The following PLD5 variants were observed in gnomAD, a reference collection of about 807,000 sequenced individuals.
The protein encoded by PLD5 is inactive phospholipase D5.
A neutral mutation model predicts 61.1 loss-of-function variants in PLD5; 36 were observed. The observed-to-expected ratio is 0.59, with a 90% CI of 0.45 to 0.78. The LOEUF is 0.78. Ranked by LOEUF, PLD5 falls within the 30% of genes least tolerant of loss-of-function variation. PLD5 has a pLI of 0.00. For synonymous variants in PLD5, 243 were observed against 242.8 expected, an observed-to-expected ratio of 1.00 and a Z score of -0.01; for missense variants, 515 against 644.4, an observed-to-expected ratio of 0.80 and a Z score of 2.17.
At chr1:242,330,293 G>T (rs1659090246) in intron 2 of PLD5, among the ~76,000 whole-genome samples, 1 of 152,202 alleles carries the variant, frequency 6.6e-6, no homozygotes, top group Admixed American at 6.5e-5. Flanking sequence ...CCTGGTGTGT[G>T]TGACCTTCAC....
intron 4 of PLD5, among the ~76,000 whole-genome samples, chr1:242,254,070 A>G (rs1430456598): frequency 1.3e-5 from 2 of 152,172 alleles, no homozygotes; most frequent in Non-Finnish European, 2.9e-5. Context: ...CCCAAAGACG[A>G]TCTGTAATGT....
At chr1:242,410,764 C>T (rs952919711) in intron 1 of PLD5, among the ~76,000 whole-genome samples, 1 of 151,942 alleles carries the variant, frequency 6.6e-6, no homozygotes, top group Admixed American at 6.6e-5. Flanking sequence ...AAGCAGGTGA[C>T]CTCAGGCATA....
chr1:242,407,521 C>T (rs28688947), intron 1 of PLD5, among the ~76,000 whole-genome samples: 3 of 151,446 alleles, frequency 2.0e-5, no homozygotes, highest in African/African-American at 7.3e-5. Context: ...TTTATACACA[C>T]ATATACACAA....
At chr1:242,393,038 T>C (rs1663026497) in intron 1 of PLD5, among the ~76,000 whole-genome samples, 1 of 150,520 alleles carries the variant, frequency 6.6e-6, no homozygotes, top group African/African-American at 2.4e-5. Context: ...ACCCCGTCTC[T>C]ACTAAAAATG....
chr1:242,353,689 G>T (rs1295781410), intron 1 of PLD5, among the ~76,000 whole-genome samples: 2 of 151,992 alleles, frequency 1.3e-5, no homozygotes, highest in Admixed American at 1.3e-4. Flanking sequence ...ATAGAGTTGA[G>T]TTCCTTAGGT....
chr1:242,214,931 C>T (rs1321673148), intron 5 of PLD5, among the ~76,000 whole-genome samples: 1 of 128,278 alleles, frequency 7.8e-6, no homozygotes, highest in East Asian at 2.4e-4. Flanking sequence ...GGCTGGAGTG[C>T]AGTGGCGAGA....
intron 1 of PLD5, among the ~76,000 whole-genome samples, chr1:242,522,399 T>C (rs1669307862): frequency 1.3e-5 from 2 of 152,306 alleles, no homozygotes; most frequent in South Asian, 4.1e-4. Context: ...TGGTATGACT[T>C]GATACTTTCA....
rs1042944332 is a variant in PLD5, at chr1:242,300,313, G to A, written c.327-11783C>T. Among the ~76,000 whole-genome samples the A allele has an allele frequency of 7.2e-5, 11 of 152,006 alleles. No homozygotes were observed. The East Asian group carries it at 7.7e-4, about 11-fold the overall frequency. On this transcript the variant is annotated intron_variant, in intron 2 of 9. Coordinates refer to ENST00000536534, the MANE Select transcript of PLD5 (RefSeq NM_001372062.1). ...AAAAAAATTAGCTGGGCATGGTTGC[G>A]GGCACCAGTAATCCCAGCTACTTAG... is the stretch of plus-strand genomic sequence containing the variant.
chr1:242,328,856 G>C (rs943987649), intron 2 of PLD5, among the ~76,000 whole-genome samples: 3 of 152,192 alleles, frequency 2.0e-5, no homozygotes, highest in African/African-American at 7.2e-5. Flanking sequence ...TTCTGCGTTA[G>C]AGCAACTTTC....
intron 9 of PLD5, among the ~76,000 whole-genome samples, chr1:242,092,913 C>T (rs1004178095): frequency 6.6e-5 from 10 of 152,040 alleles, no homozygotes; most frequent in African/African-American, 2.4e-4. Flanking sequence ...TCCTCAGAGC[C>T]TAAGAACACC....
At chr1:242,179,171 G>A (rs1312293867) in intron 5 of PLD5, among the ~76,000 whole-genome samples, 1 of 152,156 alleles carries the variant, frequency 6.6e-6, no homozygotes, top group East Asian at 1.9e-4. Context: ...CTTTTATGGT[G>A]TAGATTTCTT....
chr1:242,090,035 C>T lies in PLD5; in HGVS notation c.1430G>A (p.Arg477Lys). 1 of 1,614,196 alleles carries T rather than the reference C, an allele frequency of 6.2e-7. No homozygotes were observed. The highest frequency in any genetic ancestry group is 8.5e-7 in the Non-Finnish European group (1 of 1,180,036). ...TGLVINQADVRNNRSIIKQLK... is the reference protein window; with the variant it reads ...TGLVINQADVKNNRSIIKQLK... ...TTGCTTAATGATGCTTCTGTTGTTC[C>T]TCACATCTGCCTGGTTGATAACAAG... Residue 477 changes from arginine to lysine, a missense_variant, in exon 10 of 10, where the codon AGG (arginine) becomes AAG (lysine). Physicochemically the swap from Arg to Lys is conservative, Grantham distance 26. This residue lies in a region of PLD5 where 450 missense variants were observed against 598.1 expected (regional missense o/e 0.75). Coordinates refer to ENST00000536534, the MANE Select transcript of PLD5 (RefSeq NM_001372062.1).
intron 5 of PLD5, among the ~76,000 whole-genome samples, chr1:242,166,443 C>A (rs747809478): frequency 3.3e-5 from 5 of 151,958 alleles, no homozygotes; most frequent in Non-Finnish European, 7.3e-5. Flanking sequence ...ACAACACTTG[C>A]CTCTATTTAC....
At chr1:242,154,441 C>G (rs910671686) in intron 5 of PLD5, among the ~76,000 whole-genome samples, 8 of 152,100 alleles carry the variant, frequency 5.3e-5, no homozygotes, top group Non-Finnish European at 1.0e-4. Context: ...GGGAATGCTT[C>G]CAGTTTTTGC....
chr1:242,226,321 C>T (rs529976989), intron 4 of PLD5, among the ~76,000 whole-genome samples: 1 of 152,222 alleles, frequency 6.6e-6, no homozygotes, highest in Non-Finnish European at 1.5e-5. Flanking sequence ...AGGACCATGG[C>T]CTAGTGGCTG....
intron 6 of PLD5, among the ~76,000 whole-genome samples, chr1:242,116,112 C>G (rs1661925961): frequency 6.6e-6 from 1 of 152,096 alleles, no homozygotes; most frequent in Non-Finnish European, 1.5e-5. Context: ...TGTTTAGGAC[C>G]AAAAGGCTGA....
chr1:242,476,694 G>A (rs149052447), intron 1 of PLD5, among the ~76,000 whole-genome samples: 1 of 152,262 alleles, frequency 6.6e-6, no homozygotes, highest in African/African-American at 2.4e-5. Flanking sequence ...TCATAGGATG[G>A]TATAGATCAA....
At chr1:242,164,240 T>TAA (rs1414984992) in intron 5 of PLD5, among the ~76,000 whole-genome samples, 1 of 151,858 alleles carries the variant, frequency 6.6e-6, no homozygotes, top group African/African-American at 2.4e-5. Context: ...TTCTTGGAAA[T>TAA]AAAATCTTCC....
chr1:242,409,701 G>A (rs1241161344), intron 1 of PLD5, among the ~76,000 whole-genome samples: 1 of 152,182 alleles, frequency 6.6e-6, no homozygotes, highest in Non-Finnish European at 1.5e-5. Flanking sequence ...ATTTGCACTG[G>A]GCTCAGGGGA....
Sources: allele counts gnomAD v4.1 joint callset (sites outside exome capture counted in the v4.1 genomes callset), GRCh38; gene constraint gnomAD v4.1.1; regional missense constraint gnomAD v4.1.1; transcripts MANE v1.5; gene names NCBI Gene and HGNC (gene_info 2026-07-23, HGNC 2026-07-21).